Variants in FAM153A observed in about 807,000 individuals in gnomAD.
FAM153A encodes the protein protein FAM153A.
FAM153A carries 12 observed loss-of-function variants against 48.1 expected under a neutral mutation model. The ratio of observed to expected loss-of-function variants is 0.25; its 90% CI spans 0.16 to 0.40. The LOEUF (loss-of-function observed/expected upper bound fraction) is 0.40, where lower values mean the gene tolerates loss of function less well. Among genes scored for constraint, FAM153A ranks in the 10% least tolerant of loss-of-function variants. The pLI is 1.00. For missense variants in FAM153A, 111 were observed against 345.8 expected (o/e 0.32, Z 5.38); for synonymous variants, 36 against 118.2 (o/e 0.30, Z 4.51).
downstream of FAM153A, among the ~76,000 whole-genome samples, chr5:177,705,605 G>T (rs1757803510): frequency 6.9e-6 from 1 of 145,310 alleles, no homozygotes; most frequent in Non-Finnish European, 1.5e-5. Flanking sequence ...TTTAACAAAA[G>T]AAGTGTAAAA....
chr5:177,707,262 C>T (rs1442355442), downstream of FAM153A, among the ~76,000 whole-genome samples: 11 of 151,972 alleles, frequency 7.2e-5, no homozygotes, highest in East Asian at 2.1e-3. Flanking sequence ...AGAACATTCT[C>T]CAGGATAGAC....
intron 19 of FAM153A, among the ~76,000 whole-genome samples, 178 bp from the exon 22 acceptor site, chr5:177,724,540 GC>G (rs1412943470): frequency 1.5e-5 from 2 of 136,684 alleles, no homozygotes; most frequent in Non-Finnish European, 3.1e-5. Context: ...GGGTTGTTCA[GC>G]AAGATTCAAA....
intron 6 of FAM153A, among the ~76,000 whole-genome samples, chr5:177,743,885 T>C (rs1358924700): frequency 7.9e-4 from 7 of 8,836 alleles, no homozygotes; most frequent in African/African-American, 2.9e-3. Context: ...GACACAGTCC[T>C]GTTCTATGGG....
intron 18 of FAM153A, among the ~76,000 whole-genome samples, chr5:177,725,869 C>T (rs1466203243): frequency 1.3e-5 from 2 of 151,986 alleles, no homozygotes; most frequent in Admixed American, 6.5e-5. Flanking sequence ...GGGCCCTGAG[C>T]AACAGCTAGA....
At chr5:177,712,436 C>T (rs1376592944) in exon 27 of FAM153A, 1 of 151,364 alleles carries the variant, frequency 6.6e-6, no homozygotes, top group Non-Finnish European at 1.5e-5. Flanking sequence ...CACACCATTG[C>T]ACTCCAGCCC....
exon 9 of FAM153A, chr5:177,739,653 T>C (rs764969700): frequency 5.4e-6 from 3 of 551,408 alleles, no homozygotes; most frequent in Non-Finnish European, 5.4e-6. Flanking sequence ...TGTTCTGCTA[T>C]AAACTCCTCT....
At chr5:177,727,382 A>AAT (rs1762802970) in intron 18 of FAM153A, among the ~76,000 whole-genome samples, 1 of 103,540 alleles carries the variant, frequency 9.7e-6, no homozygotes, top group Admixed American at 1.1e-4. Context: ...TTCTCCTGTG[A>AAT]CCTTGGATCA....
At chr5:177,706,087 A>G (rs1400539021), downstream of FAM153A, among the ~76,000 whole-genome samples, 4 of 152,078 alleles carry the variant, frequency 2.6e-5, no homozygotes, top group East Asian at 1.9e-4. Flanking sequence ...ATCCCTGTCA[A>G]AAGACTTTTT....
At chr5:177,776,430 C>A (rs1769321355) in intron 1 of FAM153A, among the ~76,000 whole-genome samples, 1 of 16,798 alleles carries the variant, frequency 6.0e-5, no homozygotes, top group Admixed American at 8.1e-4. Flanking sequence ...GATACAAAAT[C>A]AATGTACAAA....
At chr5:177,696,491 C>A in the FAM153A span, among the ~76,000 whole-genome samples, 1 of 151,908 alleles carries the variant, frequency 6.6e-6, no homozygotes, top group East Asian at 1.9e-4. Flanking sequence ...CTAAATTTAT[C>A]TTTTTGCATG....
chr5:177,703,597 G>C (rs1388654542), downstream of FAM153A, among the ~76,000 whole-genome samples: 1 of 148,874 alleles, frequency 6.7e-6, no homozygotes, highest in South Asian at 2.2e-4. Flanking sequence ...CTCAATGTTT[G>C]AGGTCGGGCA....
chr5:177,718,105 G>A (rs1760261354), downstream of FAM153A: 1 of 8,566 alleles, frequency 1.2e-4, no homozygotes, highest in African/African-American at 5.4e-4. Flanking sequence ...AGAGATAAAC[G>A]CTGAAGTGTT....
chr5:177,696,658 C>T, the FAM153A span, among the ~76,000 whole-genome samples: 1 of 149,816 alleles, frequency 6.7e-6, no homozygotes, highest in African/African-American at 2.5e-5. Flanking sequence ...TATGCCAGTA[C>T]ACTCTCCTGA....
chr5:177,695,916 T>TAGC, the FAM153A span, among the ~76,000 whole-genome samples: 1 of 83,284 alleles, frequency 1.2e-5, no homozygotes, highest in African/African-American at 6.5e-5. Context: ...CCAGACAGGG[T>TAGC]GGCCGGGCAG....
Position 177,759,036 on chromosome 5 carries a change from G to C in FAM153A, c.-56-10337C>G, listed in dbSNP as rs532397030. On this transcript the variant is annotated intron_variant, in intron 1 of 8. Coordinates refer to the FAM153A transcript ENST00000393518. Reference sequence around the variant, plus strand: ...AGAAACTACCATCAGAGTGAACAGGGAACCTACAGAATGGGAGAAAAATTT... The same window carrying C: ...AGAAACTACCATCAGAGTGAACAGGCAACCTACAGAATGGGAGAAAAATTT... Among the ~76,000 whole-genome samples, 112 of 151,752 alleles carry C rather than the reference G, an allele frequency of 7.4e-4. 1 individual carries two copies. In the South Asian group the frequency reaches 0.018, roughly 24 times the overall value.
At chr5:177,697,437 G>A in the FAM153A span, among the ~76,000 whole-genome samples, 1 of 151,382 alleles carries the variant, frequency 6.6e-6, no homozygotes, top group Non-Finnish European at 1.5e-5. Flanking sequence ...CATTTCTACT[G>A]TCAGTAATGA....
At chr5:177,753,153 A>G (rs1191925602) in intron 1 of FAM153A, 16 of 1,606,996 alleles carry the variant, frequency 1.0e-5, no homozygotes, top group Non-Finnish European at 1.4e-5. Flanking sequence ...TTGCAGTCAG[A>G]AGATGGAAAT....
intron 10 of FAM153A, 134 bp from the exon 13 acceptor site, chr5:177,737,246 T>C: frequency 6.3e-7 from 1 of 1,585,744 alleles, no homozygotes; most frequent in Non-Finnish European, 8.6e-7. Context: ...TGCCAGTCCA[T>C]CCTCCATGGT....
intron 1 of FAM153A, among the ~76,000 whole-genome samples, chr5:177,776,377 C>CCCAAA (rs1351901556): frequency 7.6e-5 from 1 of 13,184 alleles, no homozygotes; most frequent in Non-Finnish European, 1.3e-4. Flanking sequence ...CGTCTCAGCC[C>CCCAAA]AAAATCTCCT....
Sources: gnomAD v4.1 joint callset for allele counts (sites outside exome capture counted in the v4.1 genomes callset) on GRCh38, gnomAD v4.1.1 for gene constraint, MANE v1.5 for transcripts, NCBI Gene and HGNC (gene_info 2026-07-23, HGNC 2026-07-21) for gene names.